Variants in CDH23 observed in about 807,000 individuals in gnomAD.
CDH23 encodes cadherin-23.
A neutral mutation model predicts 317.1 loss-of-function variants in CDH23; 189 were observed. The ratio of observed to expected loss-of-function variants is 0.60; its 90% CI spans 0.53 to 0.67. CDH23 has a LOEUF of 0.67. Ranked by LOEUF, CDH23 falls within the 30% of genes least tolerant of loss-of-function variation. The pLI is 0.00. For missense variants in CDH23, 4,401 were observed against 4,592.4 expected (o/e 0.96, Z 1.20); for synonymous variants, 1,839 against 1,876.8 (o/e 0.98, Z 0.52).
At chr10:71,498,525 G>A (rs750691367) in intron 3 of CDH23, among the ~76,000 whole-genome samples, 4 of 152,172 alleles carry the variant, frequency 2.6e-5, no homozygotes, top group Non-Finnish European at 5.9e-5. Context: ...AGCTGCAGGA[G>A]GGCAGGTTCT....
At chr10:71,625,841 G>C (rs1034260712) in intron 11 of CDH23, among the ~76,000 whole-genome samples, 1 of 152,202 alleles carries the variant, frequency 6.6e-6, no homozygotes, top group East Asian at 1.9e-4. Context: ...GCCCTGGGTG[G>C]AGAAAAATCT....
At chr10:71,790,441 C>G (rs1459827201) in intron 46 of CDH23, 28 bp downstream of exon 46, 1 of 1,608,154 alleles carries the variant, frequency 6.2e-7, no homozygotes, top group East Asian at 2.2e-5. Context: ...CCCAGCACTC[C>G]CAGCCTGATT....
At chr10:71,691,930 A>G (rs1420434429) in intron 20 of CDH23, among the ~76,000 whole-genome samples, 1 of 152,186 alleles carries the variant, frequency 6.6e-6, no homozygotes, top group Non-Finnish European at 1.5e-5. Flanking sequence ...ACCCAGGGCC[A>G]CTGTGAGCCT....
At position 71,653,374 on chromosome 10, in the gene CDH23, C is replaced by T. The variant is rs183336610; in HGVS notation, c.1449+6757C>T. Among the ~76,000 whole-genome samples the T allele has an allele frequency of 1.2e-4, 18 of 152,356 alleles. No homozygotes were observed. In the East Asian group the frequency reaches 3.5e-3, roughly 29 times the overall value. ...CCAGCTGTAAGGCCACAGGGCCTCT[C>T]CCTCTGCTCTGTAACTGTCAGGACA... On this transcript the variant is annotated intron_variant, in intron 14 of 69. Coordinates refer to ENST00000224721, the MANE Select transcript of CDH23 (RefSeq NM_022124.6).
chr10:71,750,957 T>G, intron 38 of CDH23: 1 of 371,158 alleles, frequency 2.7e-6, no homozygotes, highest in Non-Finnish European at 4.9e-6. Context: ...GGGCTGGACG[T>G]TCTGAGACTT....
chr10:71,694,001 C>T (rs776500990), intron 20 of CDH23, 146 bp from the exon 21 acceptor site: 9 of 713,002 alleles, frequency 1.3e-5, no homozygotes, highest in Non-Finnish European at 2.2e-5. Flanking sequence ...CTCAGGAACA[C>T]ATCCAGGCCG....
intron 14 of CDH23, chr10:71,647,017 C>A (rs569044724): frequency 1.0e-6 from 1 of 985,132 alleles, no homozygotes; most frequent in Non-Finnish European, 1.2e-6. Flanking sequence ...CTGGAGGGTA[C>A]CGGGGCACCC....
At chr10:71,520,634 T>C (rs1854617950) in intron 6 of CDH23, among the ~76,000 whole-genome samples, 1 of 152,214 alleles carries the variant, frequency 6.6e-6, no homozygotes, top group South Asian at 2.1e-4. Flanking sequence ...GGTGCTCCCC[T>C]CTGGGCAGCT....
rs1466537151 is a variant in CDH23, at chr10:71,739,738, T to C, written c.4454T>C (p.Leu1485Pro). The change falls in exon 36 of 70, where the codon CTG (leucine) becomes CCG (proline). Residue 1485 changes from leucine to proline, a missense_variant. By Grantham distance (98) the Leu-to-Pro change is moderately conservative (BLOSUM62 -3). Coordinates refer to ENST00000224721, the MANE Select transcript of CDH23 (RefSeq NM_022124.6). Reference sequence around the variant, plus strand: ...GGCGAAGTGTTTGTGGCCAGGCCCCTGGACAGAGAAGAGCTGGATCACTAC... The same window carrying C: ...GGCGAAGTGTTTGTGGCCAGGCCCCCGGACAGAGAAGAGCTGGATCACTAC... ...SIGEVFVARPLDREELDHYIL... is the reference protein window; with the variant it reads ...SIGEVFVARPPDREELDHYIL... 1 of 1,613,022 alleles carries C rather than the reference T, an allele frequency of 6.2e-7. No individual in the cohort carries two copies. Among genetic ancestry groups the C allele is most frequent in the Non-Finnish European group, 8.5e-7 (1 of 1,179,628 alleles).
chr10:71,794,828 G>A (rs1256527810), intron 48 of CDH23, among the ~76,000 whole-genome samples: 1 of 152,186 alleles, frequency 6.6e-6, no homozygotes, highest in East Asian at 1.9e-4. Flanking sequence ...AAGTCTCAGG[G>A]CATTAATGAA....
Position 71,739,660 on chromosome 10 carries a change from C to T in CDH23, c.4376C>T (p.Ala1459Val), listed in dbSNP as rs2132844043. The T allele has an allele frequency of 6.2e-7, 1 of 1,613,096 alleles. No individual in the cohort carries two copies. Among genetic ancestry groups the T allele is most frequent in the Non-Finnish European group, 8.5e-7 (1 of 1,179,518 alleles). The part of the protein sequence containing the change: ...GSNGQVVFSL[A>V]SGNIAGAFEI... ...TCCCCACAGGTGGTCTTCTCCCTGG[C>T]CTCTGGCAACATCGCGGGGGCCTTT... The change falls in exon 36 of 70, where the codon GCC becomes GTC. Residue 1459 changes from alanine (A) to valine (V), a missense_variant. Around this residue, in one of 3 missense-constraint regions of CDH23, gnomAD observed 3,068 missense variants for 3,203.3 expected, o/e 0.96. Transcript: ENST00000224721.
At chr10:71,547,090 T>C (rs1393726141) in intron 6 of CDH23, among the ~76,000 whole-genome samples, 1 of 152,182 alleles carries the variant, frequency 6.6e-6, no homozygotes, top group East Asian at 1.9e-4. Context: ...GACTTGGGCA[T>C]GGACCCACCC....
At chr10:71,697,561 T>G (rs955894627) in intron 22 of CDH23, among the ~76,000 whole-genome samples, 5 of 151,994 alleles carry the variant, frequency 3.3e-5, no homozygotes, top group African/African-American at 1.2e-4. Context: ...TGGTCCCAGA[T>G]ACTCAGGAGG....
chr10:71,430,334 G>A (rs1157827284), intron 1 of CDH23, among the ~76,000 whole-genome samples: 1 of 152,144 alleles, frequency 6.6e-6, no homozygotes, highest in African/African-American at 2.4e-5. Context: ...CAAAGATGTG[G>A]GGAAACCGCT....
chr10:71,413,567 G>A (rs1191842497), intron 1 of CDH23, among the ~76,000 whole-genome samples: 2 of 152,048 alleles, frequency 1.3e-5, no homozygotes, highest in Non-Finnish European at 2.9e-5. Flanking sequence ...AGATTGCTTT[G>A]GGCAGTAGTG....
chr10:71,504,139 G>A (rs919189196), intron 3 of CDH23, among the ~76,000 whole-genome samples: 4 of 152,024 alleles, frequency 2.6e-5, no homozygotes, highest in East Asian at 1.9e-4. Flanking sequence ...TGACACTGTT[G>A]CCTAACCGAC....
At chr10:71,465,921 A>G (rs1487990802) in intron 3 of CDH23, among the ~76,000 whole-genome samples, 2 of 152,086 alleles carry the variant, frequency 1.3e-5, no homozygotes, top group African/African-American at 4.8e-5. Context: ...GAAAGTCATA[A>G]TTTTTCTCCG....
Position 71,702,002 on chromosome 10 carries a change from G to T in CDH23, c.2398-20G>T. On this transcript the variant is annotated intron_variant, in intron 22 of 69. Coordinates refer to ENST00000224721, the MANE Select transcript of CDH23 (RefSeq NM_022124.6). ...TCCCCAGGCGCGGCTCAGTGAAGGGGTCTGCTCCCTCCCGGGCAGGTGGTG... is the reference window on the plus strand; with the variant it reads ...TCCCCAGGCGCGGCTCAGTGAAGGGTTCTGCTCCCTCCCGGGCAGGTGGTG... 1 of 1,612,956 alleles carries T rather than the reference G, an allele frequency of 6.2e-7. No individual in the cohort carries two copies. The highest frequency in any genetic ancestry group is 2.2e-5 in the East Asian group (1 of 44,868).
rs776427292 is a variant in CDH23, at chr10:71,725,352, G to C, written c.3431-20G>C. ...TTCTGGGCAGGGCCGGTGTTCCAGG[G>C]GGTCTGTCCCTCCACACAGGTAACC... On this transcript the variant is annotated intron_variant, in intron 29 of 69. Transcript: ENST00000224721. 1.2e-6 allele frequency: 2 copies of C among 1,613,944 alleles called. No homozygotes were observed. Among genetic ancestry groups the C allele is most frequent in the South Asian group, 1.1e-5 (1 of 91,080 alleles).
Sources: gnomAD v4.1 joint callset for allele counts (sites outside exome capture counted in the v4.1 genomes callset) on GRCh38, gnomAD v4.1.1 for gene constraint, gnomAD v4.1.1 regional missense constraint, MANE v1.5 for transcripts, NCBI Gene and HGNC (gene_info 2026-07-23, HGNC 2026-07-21) for gene names.